The following STAC variants were observed in gnomAD, a reference collection of about 807,000 sequenced individuals.
The protein encoded by STAC is SH3 and cysteine rich domain, also known as SH3 and cysteine-rich domain-containing protein.
Under a neutral mutation model 48.8 loss-of-function variants are expected in STAC, and 43 were observed. The observed-to-expected ratio is 0.88, with a 90% CI of 0.69 to 1.14. STAC has a LOEUF of 1.14. Among genes scored for constraint, STAC ranks in the 50% most tolerant of loss-of-function variants. The pLI is 0.00. For synonymous variants in STAC, 193 were observed against 179.5 expected (o/e 1.07, Z -0.60); for missense variants, 497 against 504.0 (o/e 0.99, Z 0.13).
intron 2 of STAC, among the ~76,000 whole-genome samples, chr3:36,456,578 C>T (rs1021731886): frequency 2.6e-5 from 4 of 152,134 alleles, no homozygotes; most frequent in South Asian, 2.1e-4. Context: ...GTCTGGAGGT[C>T]TAGTCTCTTA....
chr3:36,531,799 C>T (rs967538959), intron 10 of STAC, among the ~76,000 whole-genome samples: 4 of 152,168 alleles, frequency 2.6e-5, no homozygotes, highest in Non-Finnish European at 4.4e-5. Context: ...ATTAGATCTT[C>T]TGCCTTTGGA....
At chr3:36,504,284 A>T in intron 6 of STAC, 109 bp from the exon 7 acceptor site, 1 of 999,366 alleles carries the variant, frequency 1.0e-6, no homozygotes, top group Non-Finnish European at 1.5e-6. Flanking sequence ...GGCAATAAGT[A>T]GTAAAGTAGA....
At chr3:36,452,926 G>C (rs1330182680) in intron 2 of STAC, among the ~76,000 whole-genome samples, 4 of 152,218 alleles carry the variant, frequency 2.6e-5, no homozygotes, top group Admixed American at 2.6e-4. Flanking sequence ...GGCTCAACAA[G>C]CCTTCTGGTG....
At chr3:36,403,345 T>C (rs1052953624) in intron 1 of STAC, among the ~76,000 whole-genome samples, 4 of 152,116 alleles carry the variant, frequency 2.6e-5, no homozygotes, top group African/African-American at 9.7e-5. Context: ...TCTTGAAATA[T>C]TGAAAGTTGA....
rs796594329 is a variant in STAC at position 36,493,025 on chromosome 3, G to A, written c.688-126G>A. On this transcript the variant is annotated intron_variant, in intron 5 of 10. Transcript: ENST00000273183. ...TCTCTGAAGTTAGCCAAACAGCCAA[G>A]ACAGCAATCACTGGGTCCTTATGTG... The A allele has an allele frequency of 7.3e-6, 6 of 818,738 alleles. No individual in the cohort carries two copies. The African/African-American group carries it at 8.5e-5, about 12-fold the overall frequency. The allele number at this position is 818,738 out of a possible 1,614,324, so 50.7% of individuals were successfully genotyped here. A position where few individuals can be genotyped will look rare whatever the true frequency, so the allele number is the denominator to read the frequency against.
chr3:36,493,306 T>A lies in STAC; in HGVS notation c.766+77T>A. 4 of 1,357,806 alleles carry A rather than the reference T, an allele frequency of 2.9e-6. No individual in the cohort carries two copies. The South Asian group carries it at 4.8e-5, about 16-fold the overall frequency. The allele number at this position is 1,357,806 out of a possible 1,614,324, so 84.1% of individuals were successfully genotyped here. On this transcript the variant is annotated intron_variant, in intron 6 of 10. Transcript: ENST00000273183. ...GTGGGCAGGCCAAGTTGATTTCCAG[T>A]CCCCTTGCTTTCTCTGCTAGCTCTG... is the stretch of plus-strand genomic sequence containing the variant.
chr3:36,398,051 T>C (rs1442790147), intron 1 of STAC, among the ~76,000 whole-genome samples: 2 of 152,108 alleles, frequency 1.3e-5, no homozygotes, highest in African/African-American at 2.4e-5. Flanking sequence ...TGGCTCTCAA[T>C]TGGACCTTCA....
intron 10 of STAC, among the ~76,000 whole-genome samples, chr3:36,532,277 C>T (rs970467731): frequency 1.4e-4 from 22 of 152,142 alleles, no homozygotes; most frequent in Admixed American, 2.0e-4. Flanking sequence ...TGGTTTCACC[C>T]TGGTTTTACA....
intron 1 of STAC, among the ~76,000 whole-genome samples, chr3:36,434,300 C>T (rs921485946): frequency 6.6e-6 from 1 of 152,092 alleles, no homozygotes; most frequent in African/African-American, 2.4e-5. Context: ...GGTTTAATAT[C>T]TTCTCAGAAA....
At chr3:36,539,916 G>C (rs1699284094) in intron 10 of STAC, among the ~76,000 whole-genome samples, 1 of 152,136 alleles carries the variant, frequency 6.6e-6, no homozygotes, top group South Asian at 2.1e-4. Flanking sequence ...CTTGGAATAT[G>C]TTACTTTATA....
chr3:36,486,294 G>A, intron 5 of STAC, 45 bp downstream of exon 5: 1 of 1,559,704 alleles, frequency 6.4e-7, no homozygotes, highest in South Asian at 1.2e-5. Flanking sequence ...GTGGTCTTGG[G>A]CAGAGCGGGC....
intron 2 of STAC, among the ~76,000 whole-genome samples, chr3:36,444,675 A>G (rs888462900): frequency 1.3e-5 from 2 of 152,240 alleles, no homozygotes. Flanking sequence ...TGCCGTCTCT[A>G]GTAGCAAGGA....
intron 3 of STAC, among the ~76,000 whole-genome samples, chr3:36,483,721 G>A (rs1042243764): frequency 4.6e-5 from 7 of 152,174 alleles, no homozygotes; most frequent in African/African-American, 1.7e-4. Context: ...GGACACCAAG[G>A]TGGGTTGATC....
intron 4 of STAC, 102 bp from the exon 5 acceptor site, chr3:36,486,032 A>T: frequency 4.7e-6 from 4 of 850,380 alleles, no homozygotes; most frequent in Non-Finnish European, 7.6e-6. Context: ...TCCTCTGCAC[A>T]GAGCCTGCTT....
intron 1 of STAC, among the ~76,000 whole-genome samples, chr3:36,432,006 C>G (rs559224150): frequency 6.6e-6 from 1 of 152,318 alleles, no homozygotes; most frequent in East Asian, 1.9e-4. Flanking sequence ...GTTCTGTTTC[C>G]TAAGAGGAAT....
At chr3:36,429,991 G>A (rs1700661344) in intron 1 of STAC, among the ~76,000 whole-genome samples, 1 of 152,146 alleles carries the variant, frequency 6.6e-6, no homozygotes, top group African/African-American at 2.4e-5. Context: ...CTTGGTTACT[G>A]GTAGAAAATG....
intron 8 of STAC, among the ~76,000 whole-genome samples, chr3:36,525,776 C>T (rs760222306): frequency 3.3e-5 from 5 of 152,002 alleles, no homozygotes; most frequent in Admixed American, 1.3e-4. Context: ...TCGCTTTCTG[C>T]GGCATCAGCA....
chr3:36,423,566 T>C (rs896212829), intron 1 of STAC, among the ~76,000 whole-genome samples: 4 of 152,014 alleles, frequency 2.6e-5, no homozygotes, highest in African/African-American at 9.7e-5. Flanking sequence ...TATACACTTA[T>C]ACACAGGCAT....
At chr3:36,465,736 G>C (rs1266876047) in intron 2 of STAC, among the ~76,000 whole-genome samples, 1 of 152,138 alleles carries the variant, frequency 6.6e-6, no homozygotes, top group African/African-American at 2.4e-5. Flanking sequence ...GAAGAACTTG[G>C]AGACCGATGT....
Sources: gnomAD v4.1 joint callset for allele counts (sites outside exome capture counted in the v4.1 genomes callset) on GRCh38, gnomAD v4.1.1 for gene constraint, MANE v1.5 for transcripts, NCBI Gene and HGNC (gene_info 2026-07-23, HGNC 2026-07-21) for gene names.